The following PRKCB variants were observed in gnomAD, a reference collection of about 807,000 sequenced individuals.
PRKCB encodes protein kinase C beta.
A neutral mutation model predicts 81.5 loss-of-function variants in PRKCB; 13 were observed. That is an observed-to-expected ratio of 0.16 (90% CI 0.10 to 0.25). The LOEUF is 0.25. Ranked by LOEUF, PRKCB falls within the 10% of genes least tolerant of loss-of-function variation. PRKCB has a pLI of 1.00. For synonymous variants in PRKCB, 335 were observed against 321.4 expected, an observed-to-expected ratio of 1.04 and a Z score of -0.45; for missense variants, 509 against 875.7, an observed-to-expected ratio of 0.58 and a Z score of 5.29.
intron 2 of PRKCB, among the ~76,000 whole-genome samples, chr16:23,969,188 GA>G (rs1193120158): frequency 6.6e-6 from 1 of 152,026 alleles, no homozygotes; most frequent in Non-Finnish European, 1.5e-5. Flanking sequence ...AAACCAAAAA[GA>G]CATTCTCCTC....
chr16:24,005,408 G>A (rs961613967), intron 3 of PRKCB, among the ~76,000 whole-genome samples: 1 of 152,218 alleles, frequency 6.6e-6, no homozygotes, highest in Non-Finnish European at 1.5e-5. Context: ...ACTTTGGGAT[G>A]TTCTGTAGCT....
chr16:24,110,086 G>C (rs1263746219), intron 7 of PRKCB, among the ~76,000 whole-genome samples: 50 of 139,518 alleles, frequency 3.6e-4, no homozygotes, highest in African/African-American at 1.4e-3. Context: ...GGAGACCGTG[G>C]AAAGAGAGGG....
At chr16:23,956,474 T>G (rs1374956761) in intron 2 of PRKCB, among the ~76,000 whole-genome samples, 1 of 152,194 alleles carries the variant, frequency 6.6e-6, no homozygotes, top group African/African-American at 2.4e-5. Context: ...CAATAGGCAT[T>G]TGGATTATTT....
At chr16:24,147,006 T>C (rs1966999588) in intron 9 of PRKCB, among the ~76,000 whole-genome samples, 2 of 152,132 alleles carry the variant, frequency 1.3e-5, no homozygotes, top group African/African-American at 4.8e-5. Context: ...TCCTCTCCCA[T>C]GGCAAAACTT....
chr16:23,887,738 G>A (rs1014409083), intron 2 of PRKCB, among the ~76,000 whole-genome samples: 1 of 152,238 alleles, frequency 6.6e-6, no homozygotes, highest in African/African-American at 2.4e-5. Flanking sequence ...GGATTGAATG[G>A]CAATTCTATT....
chr16:23,909,395 T>C (rs1019998370), intron 2 of PRKCB, among the ~76,000 whole-genome samples: 2 of 152,196 alleles, frequency 1.3e-5, no homozygotes, highest in African/African-American at 4.8e-5. Context: ...TCCTCTTGGC[T>C]TATAGATAAC....
At chr16:23,866,339 A>G (rs1962790132) in intron 2 of PRKCB, among the ~76,000 whole-genome samples, 2 of 152,200 alleles carry the variant, frequency 1.3e-5, no homozygotes, top group Admixed American at 1.3e-4. Context: ...AGCATAGATG[A>G]TATAGTGACA....
intron 2 of PRKCB, among the ~76,000 whole-genome samples, chr16:23,954,898 A>G (rs2141782717): frequency 6.6e-6 from 1 of 152,314 alleles, no homozygotes; most frequent in Non-Finnish European, 1.5e-5. Context: ...CTAAAACTAC[A>G]GAACATTAGC....
At chr16:23,964,579 C>A (rs1317012926) in intron 2 of PRKCB, among the ~76,000 whole-genome samples, 1 of 151,926 alleles carries the variant, frequency 6.6e-6, no homozygotes, top group Non-Finnish European at 1.5e-5. Context: ...TCCACCTAAC[C>A]TTTTAAGGTA....
chr16:24,101,318 T>C (rs1966504593), intron 7 of PRKCB, among the ~76,000 whole-genome samples: 1 of 151,980 alleles, frequency 6.6e-6, no homozygotes, highest in South Asian at 2.1e-4. Context: ...AGTGCCAAGG[T>C]GGGAGGATTG....
Position 23,896,883 on chromosome 16 carries a change from A to ACCATCCAT in PRKCB, c.205+59513_205+59520dup, listed in dbSNP as rs55662090. Among the ~76,000 whole-genome samples the ACCATCCAT allele has an allele frequency of 1.7e-3, 256 of 149,256 alleles. 1 individual carries two copies. The highest frequency in any genetic ancestry group is 4.0e-3 in the African/African-American group (161 of 40,378). On this transcript the variant is annotated intron_variant, in intron 2 of 16. Coordinates refer to ENST00000643927, the MANE Select transcript of PRKCB (RefSeq NM_002738.7). ...GGAAGGCTCTTCATCCATCCATCCA[A>ACCATCCAT]CCATCCATCCATCCATCCATCCATC...
intron 3 of PRKCB, among the ~76,000 whole-genome samples, chr16:24,009,952 G>A (rs1330459304): frequency 1.3e-5 from 2 of 152,114 alleles, no homozygotes; most frequent in Non-Finnish European, 2.9e-5. Context: ...GCGGTGAGCC[G>A]AGATCATGCT....
At chr16:24,048,529 C>T (rs905875189) in intron 5 of PRKCB, among the ~76,000 whole-genome samples, 6 of 150,538 alleles carry the variant, frequency 4.0e-5, no homozygotes, top group East Asian at 1.9e-4. Context: ...CTCACTCTGT[C>T]GCCAGGCTGG....
intron 5 of PRKCB, among the ~76,000 whole-genome samples, chr16:24,071,994 T>C (rs945167247): frequency 6.6e-6 from 1 of 152,050 alleles, no homozygotes. Flanking sequence ...TGCTACTTGT[T>C]TATGGGCTGA....
intron 10 of PRKCB, among the ~76,000 whole-genome samples, chr16:24,171,735 T>C (rs1273546592): frequency 6.6e-6 from 1 of 152,084 alleles, no homozygotes; most frequent in East Asian, 1.9e-4. Flanking sequence ...GTAATTATTA[T>C]TATTATTATT....
At chr16:23,882,117 C>G (rs559163792) in intron 2 of PRKCB, among the ~76,000 whole-genome samples, 12 of 143,008 alleles carry the variant, frequency 8.4e-5, no homozygotes, top group Non-Finnish European at 1.7e-4. Context: ...CTGTTTCTCG[C>G]AGGCCAGGCT....
At chr16:23,917,451 A>G (rs1963758583) in intron 2 of PRKCB, among the ~76,000 whole-genome samples, 1 of 152,194 alleles carries the variant, frequency 6.6e-6, no homozygotes, top group Non-Finnish European at 1.5e-5. Flanking sequence ...ATTGGGATAT[A>G]TTGACTCAGA....
At chr16:24,059,446 C>T (rs1347317860) in intron 5 of PRKCB, among the ~76,000 whole-genome samples, 4 of 151,866 alleles carry the variant, frequency 2.6e-5, no homozygotes, top group African/African-American at 7.3e-5. Context: ...TCGCTTGAGC[C>T]CAGGAGTTCA....
intron 2 of PRKCB, among the ~76,000 whole-genome samples, chr16:23,967,193 GGTT>G (rs1964499405): frequency 6.6e-6 from 1 of 152,178 alleles, no homozygotes; most frequent in African/African-American, 2.4e-5. Flanking sequence ...CCTGCGTGGA[GGTT>G]ATTGTGGCTT....
Sources: allele counts gnomAD v4.1 joint callset (sites outside exome capture counted in the v4.1 genomes callset), GRCh38; gene constraint gnomAD v4.1.1; transcripts MANE v1.5; gene names NCBI Gene and HGNC (gene_info 2026-07-23, HGNC 2026-07-21).